The following TRIM61 variants were observed in gnomAD, a reference collection of about 807,000 sequenced individuals.
TRIM61 encodes the protein putative tripartite motif-containing protein 61.
Under a neutral mutation model 14.2 loss-of-function variants are expected in TRIM61, and 1 was observed. The observed-to-expected ratio is 0.07, with a 90% CI of 0.03 to 0.33. The LOEUF (loss-of-function observed/expected upper bound fraction) is 0.33. TRIM61 is among the 10% of genes least tolerant of loss of function. The probability of loss-of-function intolerance (pLI) is 0.99; values close to 1 mark genes in which losing one functional copy is unlikely to be tolerated. For missense variants in TRIM61, 19 were observed against 202.2 expected (o/e 0.09, Z 5.49); for synonymous variants, 8 against 71.6 (o/e 0.11, Z 4.49).
At chr4:164,975,437 CTA>C (rs1177029079) in intron 2 of TRIM61, among the ~76,000 whole-genome samples, 1 of 152,148 alleles carries the variant, frequency 6.6e-6, no homozygotes, top group African/African-American at 2.4e-5. Context: ...GTAAGAGACT[CTA>C]TTTTGAAAAA....
At chr4:164,967,650 C>T (rs959365523) in intron 3 of TRIM61, among the ~76,000 whole-genome samples, 4 of 151,926 alleles carry the variant, frequency 2.6e-5, no homozygotes, top group East Asian at 1.9e-4. Context: ...CTAACAAAGG[C>T]ACACACAATA....
intron 3 of TRIM61, among the ~76,000 whole-genome samples, chr4:164,965,304 A>G (rs1466615910): frequency 6.6e-6 from 1 of 152,120 alleles, no homozygotes; most frequent in Non-Finnish European, 1.5e-5. Flanking sequence ...AGACAAAAAC[A>G]AAAAACTTAA....
chr4:164,972,512 G>GTA (rs397951264), intron 2 of TRIM61, among the ~76,000 whole-genome samples: 1 of 152,002 alleles, frequency 6.6e-6, no homozygotes, highest in Non-Finnish European at 1.5e-5. Context: ...GTGTGTGTGT[G>GTA]GAGCCTTGTT....
chr4:164,964,052 G>C (rs1401829719), intron 3 of TRIM61, among the ~76,000 whole-genome samples: 2 of 151,740 alleles, frequency 1.3e-5, no homozygotes, highest in African/African-American at 2.4e-5. Context: ...TTTACCTTAA[G>C]AAACTAGAGA....
chr4:164,956,744 T>C (rs1579140050), intron 3 of TRIM61, among the ~76,000 whole-genome samples: 2 of 152,056 alleles, frequency 1.3e-5, no homozygotes, highest in Non-Finnish European at 2.9e-5. Context: ...GAGCCCTCAG[T>C]CTGGCACAGG....
At chr4:164,972,868 T>A (rs1238782335) in intron 2 of TRIM61, among the ~76,000 whole-genome samples, 1 of 152,206 alleles carries the variant, frequency 6.6e-6, no homozygotes, top group Non-Finnish European at 1.5e-5. Context: ...TTTCCCCTCA[T>A]AACAATCTGT....
chr4:164,975,962 C>T (rs1267520351), intron 2 of TRIM61, among the ~76,000 whole-genome samples: 2 of 152,134 alleles, frequency 1.3e-5, no homozygotes, highest in Non-Finnish European at 2.9e-5. Context: ...AAAAACCGCC[C>T]TATGGTGGGA....
chr4:164,961,644 A>G (rs1238345398), intron 3 of TRIM61, among the ~76,000 whole-genome samples: 2 of 152,284 alleles, frequency 1.3e-5, no homozygotes, highest in East Asian at 3.9e-4. Flanking sequence ...TCCAGAACCA[A>G]GAAGCCCACC....
chr4:164,971,649 G>C (rs1732369656), intron 2 of TRIM61, among the ~76,000 whole-genome samples: 1 of 151,466 alleles, frequency 6.6e-6, no homozygotes, highest in South Asian at 2.1e-4. Flanking sequence ...GTTAACAACA[G>C]GGGTGAATCC....
chr4:164,957,186 G>A (rs745997223), intron 3 of TRIM61: 6 of 1,613,352 alleles, frequency 3.7e-6, no homozygotes, highest in Non-Finnish European at 5.1e-6. Context: ...GGCCGCCATG[G>A]CAGTGTCTCT....
rs201291693 is a variant in TRIM61, at chr4:164,968,274, TAAGA to T, written c.525+1200_525+1203del. On this transcript the variant is annotated intron_variant, in intron 3 of 4. Transcript: ENST00000329314. Reference sequence around the variant, plus strand: ...TAATCTTTCTTAAAGGAAAAGTATATAAGAAATACAGAAAAAAATTACTGGGCTT... The same window carrying T: ...TAATCTTTCTTAAAGGAAAAGTATATAATACAGAAAAAAATTACTGGGCTT... 0.3 allele frequency: 290,179 copies of T among 954,982 alleles called. 44,657 individuals carry two copies. The highest frequency in any genetic ancestry group is 0.38 in the Admixed American group (6,154 of 16,116). The allele number at this position is 954,982 out of a possible 1,614,324, so 59.2% of individuals were successfully genotyped here.
chr4:164,957,222 C>T, intron 3 of TRIM61: 1 of 1,614,014 alleles, frequency 6.2e-7, no homozygotes, highest in Non-Finnish European at 8.5e-7. Context: ...GGGACGACCA[C>T]ATTCGTCCAA....
chr4:164,969,145 T>C, intron 3 of TRIM61: 2 of 1,142,764 alleles, frequency 1.8e-6, no homozygotes, highest in Non-Finnish European at 2.2e-6. Context: ...TAATTTTGTC[T>C]AGGCCAGAAT....
At chr4:164,956,209 G>A (rs1019232635) in intron 3 of TRIM61, among the ~76,000 whole-genome samples, 2 of 152,158 alleles carry the variant, frequency 1.3e-5, no homozygotes, top group Non-Finnish European at 2.9e-5. Context: ...GGGACCACAG[G>A]GGCGGGCCAA....
At chr4:164,964,463 T>C (rs1015261805) in intron 3 of TRIM61, among the ~76,000 whole-genome samples, 5 of 150,928 alleles carry the variant, frequency 3.3e-5, no homozygotes, top group African/African-American at 1.2e-4. Context: ...AAATTGAAAA[T>C]TGGAAACGAG....
At chr4:164,973,371 G>A (rs941751582) in intron 2 of TRIM61, among the ~76,000 whole-genome samples, 4 of 152,082 alleles carry the variant, frequency 2.6e-5, no homozygotes, top group South Asian at 4.1e-4. Flanking sequence ...ACACTCGCAC[G>A]GCATCCTATG....
In TRIM61 at chr4:164,967,845, A is replaced by G. The variant is rs1732275137; in HGVS notation, c.525+1633T>C. 1.3e-5 allele frequency among the ~76,000 whole-genome samples: 2 copies of G among 151,998 alleles called. 1 individual carries two copies. Among genetic ancestry groups the G allele is most frequent in the South Asian group, 4.2e-4 (2 of 4,814 alleles). On this transcript the variant is annotated intron_variant, in intron 3 of 4. Transcript: ENST00000329314. ...AAAAATAAAAACTTTAGTTAAAAAAAAAAAAAGGCTGAAAGTAGCTACCTG... is the reference window on the plus strand; with the variant it reads ...AAAAATAAAAACTTTAGTTAAAAAAGAAAAAAGGCTGAAAGTAGCTACCTG...
intron 2 of TRIM61, among the ~76,000 whole-genome samples, chr4:164,974,660 G>A (rs1325818020): frequency 6.6e-6 from 1 of 151,760 alleles, no homozygotes; most frequent in Admixed American, 6.6e-5. Flanking sequence ...TGGGTGGATC[G>A]CTTGAGCCCA....
intron 3 of TRIM61, chr4:164,968,348 T>C: frequency 1.5e-5 from 15 of 968,068 alleles, no homozygotes; most frequent in Non-Finnish European, 1.8e-5. Flanking sequence ...CATAATACAT[T>C]TCTTCAGTAA....
Sources: allele counts gnomAD v4.1 joint callset (sites outside exome capture counted in the v4.1 genomes callset), GRCh38; gene constraint gnomAD v4.1.1; transcripts MANE v1.5; gene names NCBI Gene and HGNC (gene_info 2026-07-23, HGNC 2026-07-21).